Variants in MYT1L observed in about 807,000 individuals in gnomAD.
The protein encoded by MYT1L is myelin transcription factor 1-like protein.
In MYT1L, 12 loss-of-function variants were observed where a neutral mutation model predicts 126.7. The observed-to-expected ratio is 0.09, with a 90% confidence interval of 0.06 to 0.15. The LOEUF is 0.15. Among genes scored for constraint, MYT1L ranks in the 10% least tolerant of loss-of-function variants. The pLI is 1.00. For synonymous variants in MYT1L, 541 were observed against 604.2 expected (o/e 0.90, Z 1.53); for missense variants, 979 against 1,585.2 (o/e 0.62, Z 6.49).
Position 2,225,851 on chromosome 2 carries a change from C to T in MYT1L, c.-420-52863G>A, listed in dbSNP as rs540268887. 1.4e-4 allele frequency among the ~76,000 whole-genome samples: 21 copies of T among 152,292 alleles called. 1 individual carries two copies. In the South Asian group the frequency reaches 3.9e-3, roughly 29 times the overall value. On this transcript the variant is annotated intron_variant, in intron 2 of 24. Coordinates refer to ENST00000647738, the MANE Select transcript of MYT1L (RefSeq NM_001303052.2). The stretch of plus-strand genomic sequence containing the variant: ...GTGACAATCAAACAAAGGTCCCTTC[C>T]GTGTTGCCCCATTCTGCTATGAAGT...
At chr2:2,123,263 C>T (rs1477143218) in intron 3 of MYT1L, among the ~76,000 whole-genome samples, 1 of 152,190 alleles carries the variant, frequency 6.6e-6, no homozygotes, top group Non-Finnish European at 1.5e-5. Context: ...CGGAATAATG[C>T]TCTTCTTTCC....
At chr2:1,958,725 C>T (rs1253637166) in intron 8 of MYT1L, among the ~76,000 whole-genome samples, 1 of 151,776 alleles carries the variant, frequency 6.6e-6, no homozygotes, top group Non-Finnish European at 1.5e-5. Context: ...CTGCAGAGGC[C>T]CCTTCTTCTA....
chr2:2,259,407 AT>A (rs1268471694), intron 2 of MYT1L, among the ~76,000 whole-genome samples: 3 of 118,998 alleles, frequency 2.5e-5, no homozygotes, highest in African/African-American at 1.3e-4. Context: ...AAAAAAAAAC[AT>A]TAAAAAAAAA....
Position 2,182,366 on chromosome 2 carries a change from A to G in MYT1L, c.-420-9378T>C, listed in dbSNP as rs1336454699. Among the ~76,000 whole-genome samples, 5 of 152,212 alleles carry G rather than the reference A, an allele frequency of 3.3e-5. No individual in the cohort carries two copies. In the East Asian group the frequency reaches 9.6e-4, roughly 29 times the overall value. On this transcript the variant is annotated intron_variant, in intron 2 of 24. Coordinates refer to ENST00000647738, the MANE Select transcript of MYT1L (RefSeq NM_001303052.2). ...AAAAGAATTTACCTTTATAAGTGCAAATGATTCTGGGCTAGCTGATATTTT... is the reference window on the plus strand; with the variant it reads ...AAAAGAATTTACCTTTATAAGTGCAGATGATTCTGGGCTAGCTGATATTTT...
At chr2:2,319,057 C>A (rs981260558) in intron 1 of MYT1L, among the ~76,000 whole-genome samples, 1 of 152,180 alleles carries the variant, frequency 6.6e-6, no homozygotes, top group Non-Finnish European at 1.5e-5. Flanking sequence ...AATTTGAATT[C>A]TCCTCTCCTC....
chr2:1,983,777 G>A (rs967613018), intron 5 of MYT1L, among the ~76,000 whole-genome samples: 9 of 152,202 alleles, frequency 5.9e-5, no homozygotes, highest in African/African-American at 1.9e-4. Context: ...TACTGAACCC[G>A]TGAATGGCTC....
At chr2:2,135,702 T>C (rs1020355450) in intron 3 of MYT1L, among the ~76,000 whole-genome samples, 1 of 152,162 alleles carries the variant, frequency 6.6e-6, no homozygotes. Context: ...TTGTACTCTA[T>C]GGAAAAAGCC....
At chr2:1,939,412 G>A (rs1177886332) in intron 9 of MYT1L, among the ~76,000 whole-genome samples, 1 of 152,174 alleles carries the variant, frequency 6.6e-6, no homozygotes, top group Non-Finnish European at 1.5e-5. Flanking sequence ...GGGAGTGCAT[G>A]GTTTCTGCCA....
chr2:1,807,057 C>T (rs551226674), intron 22 of MYT1L, among the ~76,000 whole-genome samples: 15 of 152,228 alleles, frequency 9.9e-5, no homozygotes, highest in Non-Finnish European at 1.8e-4. Flanking sequence ...ACTGCATCCA[C>T]AGGGAGAGGT....
At chr2:1,871,242 T>C (rs762414725) in intron 18 of MYT1L, among the ~76,000 whole-genome samples, 9 of 152,216 alleles carry the variant, frequency 5.9e-5, no homozygotes, top group African/African-American at 1.2e-4. Context: ...AATTTAACCC[T>C]TGAAGTGCTA....
In MYT1L at chr2:2,038,527, T is replaced by C. The variant is rs921166533; in HGVS notation, c.-158+15451A>G. Among the ~76,000 whole-genome samples, 50 of 152,332 alleles carry C rather than the reference T, an allele frequency of 3.3e-4. 1 individual carries two copies. The highest frequency in any genetic ancestry group is 1.2e-3 in the African/African-American group (48 of 41,584). ...TCCACTGGCCCAGTTCGGCTCATCT[T>C]GTCTGGACGCCATGTTTATTTGTCA... On this transcript the variant is annotated intron_variant, in intron 4 of 24. Coordinates refer to ENST00000647738, the MANE Select transcript of MYT1L (RefSeq NM_001303052.2).
intron 2 of MYT1L, among the ~76,000 whole-genome samples, chr2:2,268,082 G>C (rs1015124389): frequency 6.6e-6 from 1 of 152,166 alleles, no homozygotes; most frequent in Non-Finnish European, 1.5e-5. Context: ...TATAAGATAA[G>C]ATAGAGTTTA....
chr2:1,836,205 CAAG>C (rs2040851412), intron 21 of MYT1L, among the ~76,000 whole-genome samples: 1 of 152,088 alleles, frequency 6.6e-6, no homozygotes, highest in Non-Finnish European at 1.5e-5. Flanking sequence ...GCCTGTGGCC[CAAG>C]ATTCCAACAG....
chr2:2,197,684 T>C (rs1475702333), intron 2 of MYT1L, among the ~76,000 whole-genome samples: 2 of 150,962 alleles, frequency 1.3e-5, no homozygotes, highest in Non-Finnish European at 2.9e-5. Flanking sequence ...AACACATGTA[T>C]ACATACATGC....
chr2:1,898,518 G>T (rs1024377877), intron 14 of MYT1L, among the ~76,000 whole-genome samples: 1 of 152,242 alleles, frequency 6.6e-6, no homozygotes, highest in African/African-American at 2.4e-5. Flanking sequence ...AGTGTCCTTG[G>T]CACAGCTACT....
At chr2:2,209,434 A>G (rs1389167220) in intron 2 of MYT1L, among the ~76,000 whole-genome samples, 1 of 151,376 alleles carries the variant, frequency 6.6e-6, no homozygotes, top group African/African-American at 2.4e-5. Context: ...CCATCCTTCT[A>G]CTCTATCTCC....
chr2:2,200,941 A>G (rs1024186874), intron 2 of MYT1L, among the ~76,000 whole-genome samples: 1 of 152,220 alleles, frequency 6.6e-6, no homozygotes, highest in Non-Finnish European at 1.5e-5. Context: ...TATATGATCC[A>G]CTTCAAGTAA....
At chr2:2,140,512 A>AC (rs1420465142) in intron 3 of MYT1L, among the ~76,000 whole-genome samples, 1 of 142,218 alleles carries the variant, frequency 7.0e-6, no homozygotes, top group Non-Finnish European at 1.5e-5. Context: ...CTGGATCACT[A>AC]CAACCTCCGC....
intron 2 of MYT1L, among the ~76,000 whole-genome samples, chr2:2,184,978 T>G (rs2091963022): frequency 6.6e-6 from 1 of 152,206 alleles, no homozygotes; most frequent in South Asian, 2.1e-4. Flanking sequence ...CCTTTACTTT[T>G]GTCATCTCTG....
Sources: gnomAD v4.1 joint callset for allele counts (sites outside exome capture counted in the v4.1 genomes callset) on GRCh38, gnomAD v4.1.1 for gene constraint, MANE v1.5 for transcripts, NCBI Gene and HGNC (gene_info 2026-07-23, HGNC 2026-07-21) for gene names.